The following PRKN variants were observed in gnomAD, a reference collection of about 807,000 sequenced individuals.
PRKN encodes the protein E3 ubiquitin-protein ligase parkin.
A neutral mutation model predicts 59.5 loss-of-function variants in PRKN; 56 were observed. The observed-to-expected ratio is 0.94, with a 90% CI of 0.76 to 1.18. The LOEUF (loss-of-function observed/expected upper bound fraction) is 1.18, where lower values mean the gene tolerates loss of function less well. PRKN is among the 50% of genes most tolerant of loss of function. The pLI is 0.00. For missense variants in PRKN, 657 were observed against 596.4 expected (o/e 1.10, Z -1.06); for synonymous variants, 250 against 222.1 (o/e 1.13, Z -1.12).
chr6:161,451,368 G>A lies in PRKN; in HGVS notation c.1084-64491C>T. Among the ~76,000 whole-genome samples, 1 of 152,196 alleles carries A rather than the reference G, an allele frequency of 6.6e-6. No individual in the cohort carries two copies. The highest frequency in any genetic ancestry group is 1.9e-4 in the East Asian group (1 of 5,196). On this transcript the variant is annotated intron_variant, in intron 9 of 11. Coordinates refer to ENST00000366898, the MANE Select transcript of PRKN (RefSeq NM_004562.3). The surrounding 1 kb of genome is among the most constrained non-coding windows in gnomAD (Gnocchi z 5.9). ...AGCTCCCTCTTGATTTTGGGACCAA[G>A]CATTGAATATAAAGTTAGGATGTGG...
At chr6:162,044,432 G>C (rs1784178905) in intron 5 of PRKN, among the ~76,000 whole-genome samples, 1 of 152,162 alleles carries the variant, frequency 6.6e-6, no homozygotes, top group East Asian at 1.9e-4. Context: ...TCAACCCCTA[G>C]TCATCAAGTC....
intron 7 of PRKN, among the ~76,000 whole-genome samples, chr6:161,748,517 C>T (rs752176333): frequency 6.6e-6 from 1 of 152,126 alleles, no homozygotes; most frequent in Non-Finnish European, 1.5e-5. Flanking sequence ...CCTCCTCCTT[C>T]TATAGGGTCT....
Position 162,094,043 on chromosome 6 carries a change from G to A in PRKN, c.535-39869C>T, listed in dbSNP as rs76477159. ...AGAAAACCCAGCTCAAGCAAGATAA[G>A]CACTGGGCAGTGGTTCCATTTGTCT... On this transcript the variant is annotated intron_variant, in intron 4 of 11. Transcript: ENST00000366898. Among the ~76,000 whole-genome samples, 920 of 152,284 alleles carry A rather than the reference G, an allele frequency of 6.0e-3. 8 individuals carry two copies. Among genetic ancestry groups the A allele is most frequent in the African/African-American group, 0.021 (863 of 41,560 alleles).
rs1781318011 is a variant in PRKN at position 161,581,041 on chromosome 6, A to ACACACACAC, written c.872-11626_872-11625insGTGTGTGTG. On this transcript the variant is annotated intron_variant, in intron 7 of 11. Coordinates refer to ENST00000366898, the MANE Select transcript of PRKN (RefSeq NM_004562.3). This position sits in a 1 kb window ranked among gnomAD's most constrained non-coding sequence, Gnocchi z 4.5. The stretch of plus-strand genomic sequence containing the variant: ...ACACAGTGAAATCCTGTCTCTACTA[A>ACACACACAC]ACACACACACACACACACACACACA... Among the ~76,000 whole-genome samples, 1 of 137,538 alleles carries ACACACACAC rather than the reference A, an allele frequency of 7.3e-6. No individual in the cohort carries two copies. Among genetic ancestry groups the ACACACACAC allele is most frequent in the African/African-American group, 2.8e-5 (1 of 35,874 alleles). 90.2% of individuals were successfully genotyped at this position (137,538 alleles called of 152,430 possible).
chr6:162,521,925 ATTG>A (rs1778093094), intron 1 of PRKN, among the ~76,000 whole-genome samples: 1 of 152,178 alleles, frequency 6.6e-6, no homozygotes, highest in African/African-American at 2.4e-5. Flanking sequence ...ACTCAGTATT[ATTG>A]TTTTCAAATC....
chr6:162,568,921 AC>A, intron 1 of PRKN: 1 of 674,652 alleles, frequency 1.5e-6, no homozygotes, highest in East Asian at 2.7e-5. Flanking sequence ...GATGATGCTT[AC>A]GTGAACAAGG....
intron 5 of PRKN, among the ~76,000 whole-genome samples, chr6:162,003,180 C>T (rs1189020634): frequency 6.9e-6 from 1 of 143,994 alleles, no homozygotes; most frequent in East Asian, 2.0e-4. Flanking sequence ...TACAGAAAAA[C>T]CTTCCCCCAA....
At chr6:162,562,723 C>A (rs1398380862) in intron 1 of PRKN, among the ~76,000 whole-genome samples, 1 of 152,192 alleles carries the variant, frequency 6.6e-6, no homozygotes, top group Non-Finnish European at 1.5e-5. Flanking sequence ...TCCTGACCCC[C>A]AGATGGCACC....
intron 1 of PRKN, among the ~76,000 whole-genome samples, chr6:162,623,483 G>A (rs1782761958): frequency 6.6e-6 from 1 of 152,014 alleles, no homozygotes; most frequent in African/African-American, 2.4e-5. Context: ...AGCAACATAG[G>A]CCCAAAAGGA....
At chr6:161,915,276 C>T (rs796436740) in intron 6 of PRKN, among the ~76,000 whole-genome samples, 43 of 152,190 alleles carry the variant, frequency 2.8e-4, no homozygotes, top group African/African-American at 9.9e-4. Context: ...CAGAGTGAGA[C>T]TCTGTTTAAA....
intron 4 of PRKN, among the ~76,000 whole-genome samples, chr6:162,064,526 G>A (rs1778245371): frequency 6.6e-6 from 1 of 152,164 alleles, no homozygotes; most frequent in Non-Finnish European, 1.5e-5. Context: ...CAACACAAAA[G>A]ACTAACCAGT....
intron 7 of PRKN, among the ~76,000 whole-genome samples, chr6:161,657,909 G>T (rs371416675): frequency 4.6e-5 from 7 of 151,068 alleles, no homozygotes; most frequent in South Asian, 2.1e-4. Flanking sequence ...GTGCCCACTC[G>T]GGAGGCTGAG....
At position 161,529,352 on chromosome 6, in the gene PRKN, AC is replaced by A. The variant is rs1171985126; in HGVS notation, c.1083+19501del. 6.6e-6 allele frequency among the ~76,000 whole-genome samples: 1 copy of A among 152,188 alleles called. No homozygotes were observed. The highest frequency in any genetic ancestry group is 1.5e-5 in the Non-Finnish European group (1 of 68,036). On this transcript the variant is annotated intron_variant, in intron 9 of 11. Transcript: ENST00000366898. The surrounding 1 kb of genome is among the most constrained non-coding windows in gnomAD (Gnocchi z 4.4). The stretch of plus-strand genomic sequence containing the variant: ...TGGGGCCGCAGTAAGCACCAAGTTC[AC>A]AGGCTTAGTGAGGCGAGTCACACAT...
chr6:161,732,973 G>A (rs1238342006), intron 7 of PRKN, among the ~76,000 whole-genome samples: 1 of 152,108 alleles, frequency 6.6e-6, no homozygotes, highest in Non-Finnish European at 1.5e-5. Context: ...ACCATAATGA[G>A]GGCGTAGGAA....
intron 4 of PRKN, among the ~76,000 whole-genome samples, chr6:162,088,340 A>C (rs1382422974): frequency 6.6e-6 from 1 of 152,160 alleles, no homozygotes; most frequent in East Asian, 1.9e-4. Flanking sequence ...GTTAATGGGG[A>C]GCTAGAAAAA....
chr6:162,144,257 C>T (rs529556872), intron 4 of PRKN, among the ~76,000 whole-genome samples: 33 of 152,144 alleles, frequency 2.2e-4, no homozygotes, highest in Non-Finnish European at 3.5e-4. Flanking sequence ...AATTAATATT[C>T]TCCCATCATG....
rs116288545 is a variant in PRKN, at chr6:161,678,359, T to C, written c.871+107413A>G. 9.5e-3 allele frequency among the ~76,000 whole-genome samples: 1,430 copies of C among 151,152 alleles called. 27 individuals carry two copies. Among genetic ancestry groups the C allele is most frequent in the African/African-American group, 0.033 (1,372 of 41,150 alleles). ...CTCTGAGGCTCTTCATTTTCTTCTATACAATGGGGACAAGTGTAATAATGG... is the reference window on the plus strand; with the variant it reads ...CTCTGAGGCTCTTCATTTTCTTCTACACAATGGGGACAAGTGTAATAATGG... On this transcript the variant is annotated intron_variant, in intron 7 of 11. Coordinates refer to ENST00000366898, the MANE Select transcript of PRKN (RefSeq NM_004562.3).
At chr6:161,366,393 G>A (rs1477873780) in intron 10 of PRKN, among the ~76,000 whole-genome samples, 4 of 152,170 alleles carry the variant, frequency 2.6e-5, no homozygotes, top group Non-Finnish European at 5.9e-5. Context: ...CCCTCATGGA[G>A]ATGCCCACAC....
At chr6:162,007,915 T>G (rs1260366249) in intron 5 of PRKN, among the ~76,000 whole-genome samples, 2 of 152,144 alleles carry the variant, frequency 1.3e-5, no homozygotes, top group Non-Finnish European at 2.9e-5. Context: ...TACAGCAGAA[T>G]GAAAAGCTTT....
Sources: gnomAD v4.1 joint callset for allele counts (sites outside exome capture counted in the v4.1 genomes callset) on GRCh38, gnomAD v4.1.1 for gene constraint, Gnocchi (gnomAD v3.1) non-coding constraint, MANE v1.5 for transcripts, NCBI Gene and HGNC (gene_info 2026-07-23, HGNC 2026-07-21) for gene names.